PIGU: variants seen among roughly 807,000 people sequenced by gnomAD.
The protein encoded by PIGU is phosphatidylinositol glycan anchor biosynthesis class U, also known as GPI-anchor transamidase component PIGU.
A neutral mutation model predicts 49.9 loss-of-function variants in PIGU; 24 were observed. The observed-to-expected ratio is 0.48, with a 90% CI of 0.35 to 0.68. The LOEUF (loss-of-function observed/expected upper bound fraction) is 0.68, where lower values mean the gene tolerates loss of function less well. Among genes scored for constraint, PIGU ranks in the 30% least tolerant of loss-of-function variants. The pLI is 0.01. For synonymous variants in PIGU, 220 were observed against 205.7 expected (o/e 1.07, Z -0.59); for missense variants, 490 against 532.6 (o/e 0.92, Z 0.79).
chr20:34,655,813 G>GC (rs1275757547), intron 2 of PIGU, among the ~76,000 whole-genome samples: 1 of 121,408 alleles, frequency 8.2e-6, no homozygotes, highest in Admixed American at 1.1e-4. Context: ...AAGGTGCCGA[G>GC]CAAGACGGTG....
chr20:34,582,532 T>C (rs1048746918), intron 9 of PIGU, among the ~76,000 whole-genome samples: 8 of 151,892 alleles, frequency 5.3e-5, no homozygotes, highest in African/African-American at 1.9e-4. Flanking sequence ...ATTTAAAAAT[T>C]AGCCGGGTGT....
At chr20:34,564,500 A>C (rs1036213747) in intron 11 of PIGU, among the ~76,000 whole-genome samples, 7 of 152,228 alleles carry the variant, frequency 4.6e-5, no homozygotes, top group Admixed American at 6.5e-5. Context: ...CAGCTCTTGA[A>C]ACAGGAAAAA....
At chr20:34,647,911 A>G (rs1196715045) in intron 2 of PIGU, among the ~76,000 whole-genome samples, 2 of 151,930 alleles carry the variant, frequency 1.3e-5, no homozygotes, top group Non-Finnish European at 2.9e-5. Flanking sequence ...ATCCTTATTG[A>G]TTTTTTTGGT....
intron 7 of PIGU, among the ~76,000 whole-genome samples, chr20:34,589,815 C>T (rs907660475): frequency 2.6e-5 from 4 of 151,544 alleles, no homozygotes; most frequent in African/African-American, 7.3e-5. Context: ...GCCACCACGC[C>T]CAGCTAATTT....
At chr20:34,644,138 C>G in intron 4 of PIGU, 26 bp downstream of exon 4, 1 of 1,578,248 alleles carries the variant, frequency 6.3e-7, no homozygotes. Context: ...ATTCCACCAG[C>G]TTTGCTCCAC....
At chr20:34,564,477 C>A (rs1982661310) in intron 11 of PIGU, among the ~76,000 whole-genome samples, 2 of 152,220 alleles carry the variant, frequency 1.3e-5, no homozygotes. Context: ...ACCTGGGCAA[C>A]AGAGCAAAAC....
In PIGU at chr20:34,633,045, T is replaced by C. The variant is rs554707724; in HGVS notation, c.529+1570A>G. Among the ~76,000 whole-genome samples, 7 of 151,960 alleles carry C rather than the reference T, an allele frequency of 4.6e-5. No homozygotes were observed. The South Asian group carries it at 1.5e-3, about 32-fold the overall frequency. ...CCAAACAAGCAATAAAAGACAATTA[T>C]TAACCCCAGGAAAAATAAAAGGTAG... is the stretch of plus-strand genomic sequence containing the variant. On this transcript the variant is annotated intron_variant, in intron 6 of 11. Transcript: ENST00000217446.
At chr20:34,659,155 A>G (rs1986829257) in intron 1 of PIGU, among the ~76,000 whole-genome samples, 1 of 123,894 alleles carries the variant, frequency 8.1e-6, no homozygotes, top group East Asian at 2.9e-4. Flanking sequence ...CCTACTGGGA[A>G]GTGAGGAGCC....
chr20:34,666,533 T>A (rs575929139), intron 1 of PIGU, among the ~76,000 whole-genome samples: 24 of 151,458 alleles, frequency 1.6e-4, no homozygotes, highest in East Asian at 1.2e-3. Flanking sequence ...TTAATTTATT[T>A]ATTTATTTAT....
At chr20:34,610,750 C>A (rs896003924) in intron 7 of PIGU, among the ~76,000 whole-genome samples, 1 of 152,112 alleles carries the variant, frequency 6.6e-6, no homozygotes, top group Admixed American at 6.6e-5. Context: ...GTAGCCAAGA[C>A]AATCCTAAGC....
At chr20:34,576,874 T>C (rs1983256515) in intron 10 of PIGU, among the ~76,000 whole-genome samples, 1 of 152,208 alleles carries the variant, frequency 6.6e-6, no homozygotes, top group Admixed American at 6.5e-5. Context: ...TCTTCCACTT[T>C]GAGGGACACT....
intron 7 of PIGU, among the ~76,000 whole-genome samples, chr20:34,600,209 C>T (rs1333705501): frequency 4.6e-5 from 7 of 152,052 alleles, no homozygotes; most frequent in African/African-American, 7.2e-5. Context: ...AAGTTCGAGA[C>T]CAACCTAGCC....
intron 7 of PIGU, among the ~76,000 whole-genome samples, chr20:34,604,868 G>C (rs968211327): frequency 1.3e-5 from 2 of 152,112 alleles, no homozygotes; most frequent in African/African-American, 4.8e-5. Flanking sequence ...GTACTCACGG[G>C]GTAATTTCCC....
intron 7 of PIGU, among the ~76,000 whole-genome samples, chr20:34,603,560 C>A (rs1402817157): frequency 6.6e-6 from 1 of 152,048 alleles, no homozygotes; most frequent in Admixed American, 6.6e-5. Flanking sequence ...TAATCTATTG[C>A]AATTCTTACC....
intron 7 of PIGU, 133 bp downstream of exon 7, chr20:34,615,909 T>A (rs1220120034): frequency 7.3e-7 from 1 of 1,376,164 alleles, no homozygotes; most frequent in Non-Finnish European, 9.5e-7. Context: ...CAAGTTTCTA[T>A]GTGTTTATAT....
chr20:34,597,990 A>C (rs1390180859), intron 7 of PIGU, among the ~76,000 whole-genome samples: 1 of 152,148 alleles, frequency 6.6e-6, no homozygotes, highest in Non-Finnish European at 1.5e-5. Context: ...GGATCACCTG[A>C]GCCCAGGAGC....
rs956357447 is a variant in PIGU at position 34,659,915 on chromosome 20, G to A, written c.131-2671C>T. The stretch of plus-strand genomic sequence containing the variant: ...AAGTACCCAGGGACACAAACACTGC[G>A]GAAGGCTGCAGGGTCCTCTGCCTAG... On this transcript the variant is annotated intron_variant, in intron 1 of 11. Coordinates refer to ENST00000217446, the MANE Select transcript of PIGU (RefSeq NM_080476.5). Among the ~76,000 whole-genome samples the A allele has an allele frequency of 1.3e-4, 19 of 151,688 alleles. 1 individual carries two copies. The highest frequency in any genetic ancestry group is 7.2e-4 in the Admixed American group (11 of 15,206).
chr20:34,563,237 T>A (rs1000206419), intron 11 of PIGU, among the ~76,000 whole-genome samples: 1 of 152,142 alleles, frequency 6.6e-6, no homozygotes, highest in African/African-American at 2.4e-5. Flanking sequence ...CTATAAGCCT[T>A]AACTTTGCAA....
intron 5 of PIGU, 38 bp from the exon 6 acceptor site, chr20:34,634,753 G>T: frequency 6.2e-7 from 1 of 1,600,230 alleles, no homozygotes; most frequent in South Asian, 1.1e-5. Flanking sequence ...TAGTAATCCT[G>T]ACCAAGGAGC....
Sources: gnomAD v4.1 joint callset for allele counts (sites outside exome capture counted in the v4.1 genomes callset) on GRCh38, gnomAD v4.1.1 for gene constraint, MANE v1.5 for transcripts, NCBI Gene and HGNC (gene_info 2026-07-23, HGNC 2026-07-21) for gene names.